The following NR1I2 variants were observed in gnomAD, a reference collection of about 807,000 sequenced individuals.
NR1I2 encodes nuclear receptor subfamily 1 group I member 2.
In NR1I2, 42 loss-of-function variants were observed where a neutral mutation model predicts 43.3. The observed-to-expected ratio is 0.97, with a 90% CI of 0.76 to 1.26. The LOEUF is 1.26. Among genes scored for constraint, NR1I2 ranks in the 50% most tolerant of loss-of-function variants. The pLI, the probability that NR1I2 is intolerant of heterozygous loss-of-function variation, is 0.00. For missense variants in NR1I2, 559 were observed against 566.7 expected (o/e 0.99, Z 0.14); for synonymous variants, 229 against 215.0 (o/e 1.06, Z -0.57).
chr3:119,815,159 G>A lies in NR1I2; in HGVS notation c.937+38G>A, dbSNP rs149082394. 3 of 1,613,832 alleles carry A rather than the reference G, an allele frequency of 1.9e-6. No individual in the cohort carries two copies. The Admixed American group carries it at 5.0e-5, about 27-fold the overall frequency. On this transcript the variant is annotated intron_variant, in intron 6 of 8. Coordinates refer to ENST00000393716, the MANE Select transcript of NR1I2 (RefSeq NM_003889.4). ...GCCTGCCTGCCCTGGCAGAGGGAGGGAAACACTGCAGTTATGGGAGGAAGG... is the reference window on the plus strand; with the variant it reads ...GCCTGCCTGCCCTGGCAGAGGGAGGAAAACACTGCAGTTATGGGAGGAAGG...
At chr3:119,808,742 T>C (rs1337366309) in intron 2 of NR1I2, among the ~76,000 whole-genome samples, 4 of 152,242 alleles carry the variant, frequency 2.6e-5, no homozygotes, top group Non-Finnish European at 5.9e-5. Context: ...ATCCATCGTC[T>C]CCAAGCCTCA....
Position 119,817,162 on chromosome 3 carries a change from C to A in NR1I2, c.1255C>A (p.Pro419Thr). 1.2e-6 allele frequency: 2 copies of A among 1,614,210 alleles called. No individual in the cohort carries two copies. Among genetic ancestry groups the A allele is most frequent in the Non-Finnish European group, 1.7e-6 (2 of 1,180,026 alleles). ...GCTGCTGCGCATCCAGGACATACAC[C>A]CCTTTGCTACGCCCCTCATGCAGGA... The change falls in exon 9 of 9, where the codon CCC becomes ACC. Residue 419 changes from proline to threonine, a missense_variant. By Grantham distance (38) the Pro-to-Thr change is conservative. Coordinates refer to ENST00000393716, the MANE Select transcript of NR1I2 (RefSeq NM_003889.4).
intron 1 of NR1I2, among the ~76,000 whole-genome samples, chr3:119,794,186 T>C (rs2054961934): frequency 6.6e-6 from 1 of 151,654 alleles, no homozygotes; most frequent in Admixed American, 6.6e-5. Flanking sequence ...AGTTTTTTTG[T>C]TTGTTTGTTT....
chr3:119,815,000 G>A lies in NR1I2; in HGVS notation c.816G>A (p.Gln272=). Residue 272 remains glutamine, a synonymous_variant, in exon 6 of 9, where the codon CAG becomes CAA. Coordinates refer to ENST00000393716, the MANE Select transcript of NR1I2 (RefSeq NM_003889.4). ...CCAGGGACTTGCCCATCGAGGACCA[G>A]ATCTCCCTGCTGAAGGGGGCCGCTT... 1 of 1,614,180 alleles carries A rather than the reference G, an allele frequency of 6.2e-7. No individual in the cohort carries two copies. Among genetic ancestry groups the A allele is most frequent in the Non-Finnish European group, 8.5e-7 (1 of 1,180,028 alleles).
chr3:119,806,704 C>T (rs1388459334), intron 1 of NR1I2, among the ~76,000 whole-genome samples: 13 of 152,178 alleles, frequency 8.5e-5, no homozygotes, highest in Admixed American at 6.5e-4. Flanking sequence ...CACTTTTTCC[C>T]CATCTGCCTG....
chr3:119,818,129 T>C lies in NR1I2; in HGVS notation c.*917T>C. On this transcript the variant is annotated 3_prime_UTR_variant, in exon 9 of 9. Transcript: ENST00000393716. ...GGCACAAACTGCAGCTGTGAGTGCG[T>C]GTGTGTGATTTGGTGTAGGTAGGTC... The C allele has an allele frequency of 1.0e-6, 1 of 985,624 alleles. No homozygotes were observed. The highest frequency in any genetic ancestry group is 1.2e-6 in the Non-Finnish European group (1 of 829,998). The allele number at this position is 985,624 out of a possible 1,614,324, so 61.1% of individuals were successfully genotyped here. A position where few individuals can be genotyped will look rare whatever the true frequency, so the allele number is the denominator to read the frequency against.
chr3:119,804,788 T>C (rs1206133953), intron 1 of NR1I2, among the ~76,000 whole-genome samples: 1 of 152,092 alleles, frequency 6.6e-6, no homozygotes, highest in African/African-American at 2.4e-5. Context: ...TTTCTATTCG[T>C]CTCACCCTTT....
chr3:119,816,927 A>G, intron 8 of NR1I2, 141 bp from the exon 9 acceptor site: 1 of 1,042,494 alleles, frequency 9.6e-7, no homozygotes, highest in Non-Finnish European at 1.5e-6. Context: ...GTAAAAGAGA[A>G]GCTTACGGAA....
intron 1 of NR1I2, among the ~76,000 whole-genome samples, chr3:119,790,183 T>G (rs1465681246): frequency 6.6e-6 from 1 of 152,216 alleles, no homozygotes; most frequent in Non-Finnish European, 1.5e-5. Flanking sequence ...GTGACTGGCT[T>G]ATTTCACTTA....
chr3:119,813,118 G>T (rs563591783), intron 5 of NR1I2, among the ~76,000 whole-genome samples, 158 bp downstream of exon 5: 3 of 152,334 alleles, frequency 2.0e-5, no homozygotes, highest in Admixed American at 6.5e-5. Flanking sequence ...CTGCTGGGGA[G>T]TAGAGCCCTT....
At chr3:119,803,065 G>A (rs1371419408) in intron 1 of NR1I2, 3 of 420,434 alleles carry the variant, frequency 7.1e-6, no homozygotes, top group Non-Finnish European at 1.4e-5. Context: ...GGGTGTGGTG[G>A]CTCATGCCTG....
chr3:119,791,905 A>G (rs1157316105), intron 1 of NR1I2: 3 of 635,296 alleles, frequency 4.7e-6, no homozygotes, highest in Non-Finnish European at 8.9e-6. Flanking sequence ...GCCTTATATA[A>G]CATGGATGCT....
At chr3:119,801,086 A>G (rs1375853013) in intron 1 of NR1I2, among the ~76,000 whole-genome samples, 1 of 152,252 alleles carries the variant, frequency 6.6e-6, no homozygotes, top group East Asian at 1.9e-4. Flanking sequence ...TGCTCAGTGC[A>G]GCCTGACAGT....
At chr3:119,782,910 C>G in intron 1 of NR1I2, 1 of 1,398,306 alleles carries the variant, frequency 7.2e-7, no homozygotes, top group Admixed American at 1.7e-5. Context: ...CCGAGTCTTG[C>G]CTGCATGTGG....
chr3:119,807,381 G>T lies in NR1I2; in HGVS notation c.131G>T (p.Cys44Phe), dbSNP rs974968906. 2 of 1,614,094 alleles carry T rather than the reference G, an allele frequency of 1.2e-6. No individual in the cohort carries two copies. Among genetic ancestry groups the T allele is most frequent in the Non-Finnish European group, 1.7e-6 (2 of 1,180,040 alleles). ...GGAGGTCCCCAAATCTGCCGTGTAT[G>T]TGGGGACAAGGCCACTGGCTATCAC... Residue 44 changes from cysteine to phenylalanine, a missense_variant, in exon 2 of 9, where the codon TGT becomes TTT. Transcript: ENST00000393716.
Position 119,782,799 on chromosome 3 carries a change from C to T in NR1I2, c.-23+499C>T, listed in dbSNP as rs1480822509. On this transcript the variant is annotated intron_variant, in intron 1 of 8. Transcript: ENST00000393716. ...CTCACCACTTCAAGGAGGGGTCCCT[C>T]AGAGCACCTGCCATACCCCTGCACA... 5 of 1,614,074 alleles carry T rather than the reference C, an allele frequency of 3.1e-6. No individual in the cohort carries two copies. The East Asian group carries it at 6.7e-5, about 22-fold the overall frequency.
intron 1 of NR1I2, among the ~76,000 whole-genome samples, chr3:119,787,866 A>G (rs1216674784): frequency 6.6e-6 from 1 of 152,082 alleles, no homozygotes; most frequent in East Asian, 1.9e-4. Flanking sequence ...TAATCCTGCT[A>G]TCTCCAAGAG....
chr3:119,815,857 C>A, intron 8 of NR1I2, 26 bp downstream of exon 8: 2 of 1,563,746 alleles, frequency 1.3e-6, no homozygotes, highest in East Asian at 2.3e-5. Context: ...GGTGAGGACC[C>A]GTGAGGGTGA....
rs371242553 is a variant in NR1I2 at position 119,815,128 on chromosome 3, G to A, written c.937+7G>A. The stretch of plus-strand genomic sequence containing the variant: ...TGCTTGGAAGACACTGCAGGTGCCC[G>A]AGAGAGCCTGCCTGCCCTGGCAGAG... On this transcript the variant is annotated splice_region_variant and intron_variant, in intron 6 of 8. Transcript: ENST00000393716. The A allele has an allele frequency of 3.3e-5, 53 of 1,614,144 alleles. No homozygotes were observed. The highest frequency in any genetic ancestry group is 1.1e-4 in the East Asian group (5 of 44,886).
Sources: allele counts gnomAD v4.1 joint callset (sites outside exome capture counted in the v4.1 genomes callset), GRCh38; gene constraint gnomAD v4.1.1; transcripts MANE v1.5; gene names NCBI Gene and HGNC (gene_info 2026-07-23, HGNC 2026-07-21).